The following XXYLT1 variants were observed in gnomAD, a reference collection of about 807,000 sequenced individuals.
XXYLT1 encodes the protein UDP-xylose:alpha-xyloside alpha-1,3-xylosyltransferase.
In XXYLT1, 20 loss-of-function variants were observed where a neutral mutation model predicts 28.9. The observed-to-expected ratio is 0.69, with a 90% confidence interval of 0.49 to 1.00. XXYLT1 has a LOEUF of 1.00. Ranked by LOEUF, XXYLT1 falls within the 50% of genes least tolerant of loss-of-function variation. XXYLT1 has a pLI of 0.00. For synonymous variants in XXYLT1, 257 were observed against 253.8 expected (o/e 1.01, Z -0.12); for missense variants, 542 against 560.1 (o/e 0.97, Z 0.33).
At chr3:195,088,368 T>A (rs1347242457) in intron 3 of XXYLT1, among the ~76,000 whole-genome samples, 1 of 147,358 alleles carries the variant, frequency 6.8e-6, no homozygotes, top group East Asian at 2.1e-4. Context: ...CTCAAGTGGG[T>A]CCCTGACCCC....
At chr3:195,097,385 C>G (rs1477850976) in intron 3 of XXYLT1, among the ~76,000 whole-genome samples, 4 of 152,182 alleles carry the variant, frequency 2.6e-5, no homozygotes, top group Non-Finnish European at 5.9e-5. Context: ...CGTATCAACA[C>G]GTATCTAGCA....
chr3:195,156,425 G>A (rs372319021), intron 3 of XXYLT1, 24 bp downstream of exon 3: 103 of 1,609,512 alleles, frequency 6.4e-5, no homozygotes, highest in Non-Finnish European at 7.7e-5. Flanking sequence ...TCGTGGAGGC[G>A]GCCCCCCTGC....
chr3:195,239,118 A>T (rs749099036), intron 1 of XXYLT1, among the ~76,000 whole-genome samples: 5 of 152,258 alleles, frequency 3.3e-5, no homozygotes, highest in Non-Finnish European at 5.9e-5. Context: ...TGAATATTTC[A>T]TATAATAAAT....
At chr3:195,174,325 C>T (rs963048065) in intron 2 of XXYLT1, among the ~76,000 whole-genome samples, 3 of 152,122 alleles carry the variant, frequency 2.0e-5, no homozygotes, top group Non-Finnish European at 4.4e-5. Context: ...CTTAGGACTT[C>T]CCACAGTTGG....
Position 195,226,760 on chromosome 3 carries a change from T to C in XXYLT1, c.601A>G (p.Ser201Gly), listed in dbSNP as rs982663198. The change falls in exon 2 of 4, where the codon AGT becomes GGT. Residue 201 changes from serine to glycine, a missense_variant. By Grantham distance (56) the Ser-to-Gly change is moderately conservative. Coordinates refer to ENST00000310380, the MANE Select transcript of XXYLT1 (RefSeq NM_152531.5). ...ACCGAGAGGAAGAAGATGGAGTCAC[T>C]GTAGTAGGTTCCCAAGCCAGCACTG... The part of the protein sequence containing the change: ...HFSAGLGTYY[S>G]DSIFFLSVAM... 1.9e-5 allele frequency: 30 copies of C among 1,613,186 alleles called. No homozygotes were observed. The highest frequency in any genetic ancestry group is 8.0e-5 in the African/African-American group (6 of 74,590).
chr3:195,249,329 A>C (rs1725159187), intron 1 of XXYLT1, among the ~76,000 whole-genome samples: 1 of 152,238 alleles, frequency 6.6e-6, no homozygotes, highest in Non-Finnish European at 1.5e-5. Context: ...TTCTCTAAGC[A>C]GCACCATGCT....
intron 3 of XXYLT1, among the ~76,000 whole-genome samples, chr3:195,151,373 A>C (rs1720238448): frequency 6.6e-6 from 1 of 151,788 alleles, no homozygotes; most frequent in Non-Finnish European, 1.5e-5. Context: ...GCTACTAATA[A>C]CACAAAAATT....
chr3:195,155,950 G>T (rs1366728731), intron 3 of XXYLT1, among the ~76,000 whole-genome samples: 1 of 152,188 alleles, frequency 6.6e-6, no homozygotes, highest in Non-Finnish European at 1.5e-5. Flanking sequence ...CATGACACAG[G>T]CTTGACAATC....
At chr3:195,213,263 C>CTTTTTTTTTT (rs924778735) in intron 2 of XXYLT1, among the ~76,000 whole-genome samples, 1 of 129,072 alleles carries the variant, frequency 7.7e-6, no homozygotes, top group African/African-American at 3.2e-5. Flanking sequence ...TTCTTTCTTT[C>CTTTTTTTTTT]TTTTTTTTTT....
intron 3 of XXYLT1, among the ~76,000 whole-genome samples, chr3:195,153,300 C>A (rs1328934202): frequency 6.6e-6 from 1 of 152,346 alleles, no homozygotes; most frequent in African/African-American, 2.4e-5. Context: ...CCTTGTCGGC[C>A]AGCCAGTACC....
At chr3:195,266,636 G>C (rs1007202319) in intron 1 of XXYLT1, among the ~76,000 whole-genome samples, 1 of 152,238 alleles carries the variant, frequency 6.6e-6, no homozygotes, top group Admixed American at 6.5e-5. Context: ...CTGTGAGCCA[G>C]GCATCATGCT....
chr3:195,159,150 G>A (rs904205092), intron 2 of XXYLT1, among the ~76,000 whole-genome samples: 1 of 152,226 alleles, frequency 6.6e-6, no homozygotes, highest in Non-Finnish European at 1.5e-5. Flanking sequence ...ATGAGAAAAA[G>A]GAAGACTAGA....
At chr3:195,141,835 G>A (rs752754580) in intron 3 of XXYLT1, among the ~76,000 whole-genome samples, 5 of 152,268 alleles carry the variant, frequency 3.3e-5, no homozygotes, top group Admixed American at 1.3e-4. Context: ...GCTGCTTCCC[G>A]CCTAATTGAG....
intron 2 of XXYLT1, among the ~76,000 whole-genome samples, chr3:195,158,882 C>A (rs558812637): frequency 1.3e-5 from 2 of 152,254 alleles, no homozygotes; most frequent in African/African-American, 4.8e-5. Flanking sequence ...TCTAAAGGGG[C>A]CTGTTCCTCT....
chr3:195,228,674 G>A (rs1397847163), intron 1 of XXYLT1, among the ~76,000 whole-genome samples: 6 of 149,640 alleles, frequency 4.0e-5, no homozygotes, highest in African/African-American at 1.5e-4. Context: ...ATTTTTAGTA[G>A]AGATGGGGTT....
At chr3:195,073,952 G>T (rs1020300835) in intron 3 of XXYLT1, among the ~76,000 whole-genome samples, 8 of 152,120 alleles carry the variant, frequency 5.3e-5, no homozygotes, top group African/African-American at 1.7e-4. Context: ...TCTGCTAAGG[G>T]CTCTCGAGAG....
At chr3:195,120,398 C>A (rs1329503121) in intron 3 of XXYLT1, among the ~76,000 whole-genome samples, 2 of 151,838 alleles carry the variant, frequency 1.3e-5, no homozygotes, top group Non-Finnish European at 2.9e-5. Context: ...GGCCTTGAAC[C>A]ATGTGTAAAC....
chr3:195,182,998 T>A (rs535054997), intron 2 of XXYLT1, among the ~76,000 whole-genome samples: 1 of 152,228 alleles, frequency 6.6e-6, no homozygotes, highest in Admixed American at 6.5e-5. Context: ...ATCTCCTTTC[T>A]TTTCTATAAA....
intron 2 of XXYLT1, among the ~76,000 whole-genome samples, chr3:195,171,983 T>TCAA (rs1462050461): frequency 2.6e-5 from 4 of 152,208 alleles, no homozygotes; most frequent in African/African-American, 9.7e-5. Context: ...AATTGTGTGG[T>TCAA]CACAGAAACG....
Sources: gnomAD v4.1 joint callset for allele counts (sites outside exome capture counted in the v4.1 genomes callset) on GRCh38, gnomAD v4.1.1 for gene constraint, MANE v1.5 for transcripts, NCBI Gene and HGNC (gene_info 2026-07-23, HGNC 2026-07-21) for gene names.